Variants in PPP2R2B observed in about 807,000 individuals in gnomAD.
PPP2R2B encodes protein phosphatase 2 regulatory subunit Bbeta.
A neutral mutation model predicts 46.0 loss-of-function variants in PPP2R2B; 5 were observed. The observed-to-expected ratio is 0.11, with a 90% CI of 0.06 to 0.23. The LOEUF is 0.23. Among genes scored for constraint, PPP2R2B ranks in the 10% least tolerant of loss-of-function variants. The pLI, the probability that PPP2R2B is intolerant of heterozygous loss-of-function variation, is 1.00. For synonymous variants in PPP2R2B, 215 were observed against 206.7 expected, an observed-to-expected ratio of 1.04 and a Z score of -0.34; for missense variants, 367 against 575.0, an observed-to-expected ratio of 0.64 and a Z score of 3.70.
chr5:146,786,654 A>G lies in PPP2R2B; in HGVS notation c.71-85512T>C, dbSNP rs970890750. On this transcript the variant is annotated intron_variant, in intron 2 of 9. Transcript: ENST00000394411. ...TAAACCCTTTTAGTCCTTTGCCCAT[A>G]TTAATCCTTCTTGGTATCATTTGGA... Among the ~76,000 whole-genome samples the G allele has an allele frequency of 3.9e-5, 6 of 152,250 alleles. 1 individual carries two copies. The South Asian group carries it at 1.0e-3, about 26-fold the overall frequency.
chr5:146,963,938 A>C (rs1271029384), intron 1 of PPP2R2B, among the ~76,000 whole-genome samples: 2 of 152,218 alleles, frequency 1.3e-5, no homozygotes, highest in African/African-American at 4.8e-5. Context: ...CTCATTCAGA[A>C]GGTTCTTACA....
intron 1 of PPP2R2B, among the ~76,000 whole-genome samples, chr5:146,944,218 A>G (rs1044038955): frequency 6.6e-6 from 1 of 152,142 alleles, no homozygotes; most frequent in African/African-American, 2.4e-5. Context: ...TTGCCACTAC[A>G]TATATTCTTT....
chr5:146,878,758 G>T (rs1025999640), upstream of PPP2R2B: 1 of 1,333,514 alleles, frequency 7.5e-7, no homozygotes, highest in Non-Finnish European at 9.9e-7. The surrounding 1 kb of genome is among the most constrained non-coding windows in gnomAD (Gnocchi z 4.5). Context: ...TGCTGCTGCT[G>T]CAGGAGGCTG....
At chr5:146,811,629 C>T (rs1282806958) in intron 2 of PPP2R2B, among the ~76,000 whole-genome samples, 5 of 141,558 alleles carry the variant, frequency 3.5e-5, no homozygotes, top group Middle Eastern at 3.9e-3. Flanking sequence ...GGCGCGATCT[C>T]GGCTCACTGC....
At chr5:146,917,558 A>G (rs530295844) in intron 1 of PPP2R2B, among the ~76,000 whole-genome samples, 1 of 152,246 alleles carries the variant, frequency 6.6e-6, no homozygotes. Flanking sequence ...GTTATGCCCA[A>G]GGGCACACAA....
At chr5:146,630,964 T>C (rs963374005) in intron 7 of PPP2R2B, among the ~76,000 whole-genome samples, 2 of 152,234 alleles carry the variant, frequency 1.3e-5, no homozygotes, top group African/African-American at 2.4e-5. Context: ...AATTAGGCCA[T>C]GGATACAAGC....
At chr5:146,819,064 G>C (rs539710081) in intron 2 of PPP2R2B, among the ~76,000 whole-genome samples, 1 of 152,248 alleles carries the variant, frequency 6.6e-6, no homozygotes, top group Non-Finnish European at 1.5e-5. Flanking sequence ...ATCAGTGCAG[G>C]CTTTCTTCTC....
At chr5:146,806,272 A>G (rs1426798396) in intron 2 of PPP2R2B, among the ~76,000 whole-genome samples, 1 of 152,166 alleles carries the variant, frequency 6.6e-6, no homozygotes, top group Non-Finnish European at 1.5e-5. Flanking sequence ...TTGTTTTAAG[A>G]AACTGTGCAT....
At chr5:146,992,533 T>C (rs1307070739) in intron 1 of PPP2R2B, among the ~76,000 whole-genome samples, 3 of 152,168 alleles carry the variant, frequency 2.0e-5, no homozygotes. Flanking sequence ...TGTTGGGTGG[T>C]AGCGACAGTT....
chr5:146,698,310 AAAAAAAAATATAT>A (rs1216075868), intron 3 of PPP2R2B, among the ~76,000 whole-genome samples, 166 bp from the exon 4 acceptor site: 1 of 91,648 alleles, frequency 1.1e-5, no homozygotes, highest in African/African-American at 5.0e-5. Flanking sequence ...AAAAAAAAAA[AAAAAAAAATATAT>A]ATATATATAT....
At position 146,658,191 on chromosome 5, in the gene PPP2R2B, C is replaced by T. The variant is rs547893769; in HGVS notation, c.448-7467G>A. 1.2e-4 allele frequency among the ~76,000 whole-genome samples: 18 copies of T among 152,252 alleles called. No homozygotes were observed. In the East Asian group the frequency reaches 1.4e-3, roughly 11 times the overall value. ...GGGTGTCCACCTCATCCTAGGTATA[C>T]GGAAACCCTGACCCTGGTGCTCTGG... is the stretch of plus-strand genomic sequence containing the variant. On this transcript the variant is annotated intron_variant, in intron 5 of 9. Coordinates refer to ENST00000394411, the MANE Select transcript of PPP2R2B (RefSeq NM_181675.4).
chr5:146,786,541 G>C (rs887636579), intron 2 of PPP2R2B, among the ~76,000 whole-genome samples: 4 of 152,176 alleles, frequency 2.6e-5, no homozygotes, highest in African/African-American at 9.7e-5. Flanking sequence ...GTTCATGGGG[G>C]CCAGGTTACT....
Position 146,985,901 on chromosome 5 carries a change from A to G in PPP2R2B, c.79+69764T>C, listed in dbSNP as rs116533611. Among the ~76,000 whole-genome samples the G allele has an allele frequency of 5.4e-3, 816 of 152,334 alleles. 7 individuals carry two copies. Among genetic ancestry groups the G allele is most frequent in the African/African-American group, 0.019 (775 of 41,568 alleles). On this transcript the variant is annotated intron_variant, in intron 1 of 8. Transcript: ENST00000336640. The stretch of plus-strand genomic sequence containing the variant: ...ATACAAAATCACAAAAATTGGTATC[A>G]TTTCTATACAAAAACAACAAACTAT...
chr5:146,693,668 C>T (rs1779009663), intron 4 of PPP2R2B, among the ~76,000 whole-genome samples: 1 of 152,180 alleles, frequency 6.6e-6, no homozygotes, highest in African/African-American at 2.4e-5. Flanking sequence ...AAGATGGTGC[C>T]TCAGTTTCTT....
chr5:146,874,001 C>T (rs774680681), intron 2 of PPP2R2B, among the ~76,000 whole-genome samples: 7 of 152,178 alleles, frequency 4.6e-5, no homozygotes, highest in Non-Finnish European at 1.0e-4. Flanking sequence ...GTCCCTTCTA[C>T]CTAAAATGCT....
intron 5 of PPP2R2B, among the ~76,000 whole-genome samples, chr5:146,680,981 T>C (rs912829954): frequency 2.0e-5 from 3 of 152,208 alleles, no homozygotes; most frequent in East Asian, 3.8e-4. Flanking sequence ...AAAGACAAGA[T>C]AGTATCTTGC....
At chr5:146,756,742 G>A (rs1007757308) in intron 2 of PPP2R2B, among the ~76,000 whole-genome samples, 1 of 152,166 alleles carries the variant, frequency 6.6e-6, no homozygotes, top group African/African-American at 2.4e-5. Context: ...AATTCATGTC[G>A]TGTACTTAAA....
intron 2 of PPP2R2B, among the ~76,000 whole-genome samples, chr5:146,759,765 T>C (rs371167467): frequency 6.6e-6 from 1 of 152,156 alleles, no homozygotes; most frequent in South Asian, 2.1e-4. Context: ...CCTTTTTTTT[T>C]TTTTCATTTG....
intron 2 of PPP2R2B, among the ~76,000 whole-genome samples, chr5:146,846,176 T>G (rs1375550775): frequency 6.8e-6 from 1 of 146,836 alleles, no homozygotes; most frequent in Non-Finnish European, 1.5e-5. Flanking sequence ...GCCCAGGAGT[T>G]CGTGACCAGC....
Sources: gnomAD v4.1 joint callset for allele counts (sites outside exome capture counted in the v4.1 genomes callset) on GRCh38, gnomAD v4.1.1 for gene constraint, Gnocchi (gnomAD v3.1) non-coding constraint, MANE v1.5 for transcripts, NCBI Gene and HGNC (gene_info 2026-07-23, HGNC 2026-07-21) for gene names.